The following PCDH9 variants were observed in gnomAD, a reference collection of about 807,000 sequenced individuals.
PCDH9 encodes protocadherin 9.
PCDH9 carries 24 observed loss-of-function variants against 70.6 expected under a neutral mutation model. The ratio of observed to expected loss-of-function variants is 0.34; its 90% CI spans 0.25 to 0.48. The LOEUF is 0.48. Among genes scored for constraint, PCDH9 ranks in the 20% least tolerant of loss-of-function variants. The pLI is 0.99. For missense variants in PCDH9, 1,281 were observed against 1,503.6 expected, an observed-to-expected ratio of 0.85 and a Z score of 2.45; for synonymous variants, 562 against 558.5, an observed-to-expected ratio of 1.01 and a Z score of -0.09.
chr13:66,993,095 G>T (rs986268236), intron 2 of PCDH9, among the ~76,000 whole-genome samples: 1 of 152,006 alleles, frequency 6.6e-6, no homozygotes, highest in African/African-American at 2.4e-5. Flanking sequence ...AAAGTGACTC[G>T]TCTCATGAAA....
intron 3 of PCDH9, among the ~76,000 whole-genome samples, chr13:66,895,875 CTCTT>C (rs1206439638): frequency 6.6e-6 from 1 of 152,200 alleles, no homozygotes; most frequent in Non-Finnish European, 1.5e-5. Context: ...CATCCCCCCT[CTCTT>C]TGTGCATCAT....
chr13:66,422,283 T>G (rs1190779182), intron 4 of PCDH9, among the ~76,000 whole-genome samples: 3 of 152,146 alleles, frequency 2.0e-5, no homozygotes, highest in African/African-American at 7.2e-5. Context: ...ATTCGGGACT[T>G]CAATTCAGCT....
chr13:66,644,851 A>G (rs1427975276), intron 3 of PCDH9, among the ~76,000 whole-genome samples: 1 of 152,100 alleles, frequency 6.6e-6, no homozygotes. Flanking sequence ...ACAAATGTTT[A>G]TTCTCCAAGA....
intron 3 of PCDH9, among the ~76,000 whole-genome samples, chr13:66,886,401 A>G (rs1301061802): frequency 6.6e-6 from 1 of 152,116 alleles, no homozygotes; most frequent in African/African-American, 2.4e-5. Context: ...TCTAGGCTAC[A>G]TAGGTGTTCC....
intron 3 of PCDH9, among the ~76,000 whole-genome samples, chr13:66,720,950 T>A (rs1047015069): frequency 1.2e-4 from 19 of 152,298 alleles, no homozygotes; most frequent in Non-Finnish European, 2.6e-4. Context: ...AGCAGTAAGT[T>A]AGTCCATTAC....
chr13:66,328,954 GT>G (rs1449903171), intron 4 of PCDH9, among the ~76,000 whole-genome samples: 8 of 152,132 alleles, frequency 5.3e-5, no homozygotes, highest in Non-Finnish European at 1.2e-4. Context: ...TAATGTGTCA[GT>G]TTTTAATCAT....
intron 4 of PCDH9, among the ~76,000 whole-genome samples, chr13:66,584,479 A>G (rs1322411722): frequency 6.6e-6 from 1 of 152,164 alleles, no homozygotes; most frequent in Non-Finnish European, 1.5e-5. Context: ...AATATTGAAC[A>G]AAGTCGATAA....
intron 3 of PCDH9, among the ~76,000 whole-genome samples, chr13:66,867,825 C>A (rs1230869783): frequency 1.3e-5 from 2 of 151,478 alleles, no homozygotes; most frequent in Non-Finnish European, 3.0e-5. Flanking sequence ...GAAAAAAATC[C>A]TTTTTTTTAT....
At chr13:66,801,211 A>G (rs534876419) in intron 3 of PCDH9, among the ~76,000 whole-genome samples, 1 of 152,094 alleles carries the variant, frequency 6.6e-6, no homozygotes, top group Non-Finnish European at 1.5e-5. Flanking sequence ...TTTTCTAGTG[A>G]AGGTTAAGCA....
At position 67,228,529 on chromosome 13, in the gene PCDH9, T is replaced by C; in HGVS notation, c.-89A>G. On this transcript the variant is annotated 5_prime_UTR_variant, in exon 2 of 5. An upstream start codon of the reference 5' UTR is lost. Transcript: ENST00000377865. ...CACAAATTGCAAGAGGAAGCGTGCA[T>C]GGACTGGAGGATGCATTATATCTCA... 9.3e-7 allele frequency: 1 copy of C among 1,077,766 alleles called. No individual in the cohort carries two copies. The highest frequency in any genetic ancestry group is 2.5e-5 in the East Asian group (1 of 39,354). 66.8% of individuals were successfully genotyped at this position (1,077,766 alleles called of 1,614,324 possible). A position where few individuals can be genotyped will look rare whatever the true frequency, so the allele number is the denominator to read the frequency against.
intron 4 of PCDH9, among the ~76,000 whole-genome samples, chr13:66,307,616 C>T (rs1424551053): frequency 2.0e-5 from 3 of 152,014 alleles, no homozygotes; most frequent in African/African-American, 7.2e-5. Context: ...AACTTTTAAT[C>T]TTTACATTTC....
intron 4 of PCDH9, among the ~76,000 whole-genome samples, chr13:66,409,393 G>T (rs1439906348): frequency 6.6e-6 from 1 of 151,984 alleles, no homozygotes; most frequent in Non-Finnish European, 1.5e-5. Context: ...ACTAATTGTT[G>T]TCCTCCCCCT....
intron 3 of PCDH9, among the ~76,000 whole-genome samples, chr13:66,717,368 C>T (rs1461423176): frequency 7.3e-6 from 1 of 137,646 alleles, no homozygotes; most frequent in Non-Finnish European, 1.5e-5. Context: ...AGGAGAATTG[C>T]TTGAACCCAG....
At chr13:67,050,429 C>T (rs959224412) in intron 2 of PCDH9, among the ~76,000 whole-genome samples, 1 of 152,172 alleles carries the variant, frequency 6.6e-6, no homozygotes, top group Non-Finnish European at 1.5e-5. Context: ...GAATGACTCT[C>T]ATTTAATGTG....
intron 4 of PCDH9, among the ~76,000 whole-genome samples, chr13:66,315,513 G>T (rs190637497): frequency 1.1e-4 from 16 of 151,568 alleles, no homozygotes; most frequent in African/African-American, 3.9e-4. Context: ...ATGGAGTTTC[G>T]CTCTGCCACT....
intron 4 of PCDH9, among the ~76,000 whole-genome samples, chr13:66,343,283 G>A (rs962051572): frequency 1.1e-4 from 16 of 152,162 alleles, no homozygotes; most frequent in Non-Finnish European, 2.1e-4. Context: ...TAGGTCACAA[G>A]TCTGGTACAG....
chr13:66,338,121 C>A (rs1956066757), intron 4 of PCDH9, among the ~76,000 whole-genome samples: 1 of 152,074 alleles, frequency 6.6e-6, no homozygotes, highest in African/African-American at 2.4e-5. Context: ...TAATGTCTAC[C>A]TCTCAAAATT....
At chr13:66,315,789 C>T (rs977251704) in intron 4 of PCDH9, among the ~76,000 whole-genome samples, 6 of 152,184 alleles carry the variant, frequency 3.9e-5, no homozygotes, top group African/African-American at 1.4e-4. Context: ...TGGCCACTCT[C>T]ATTTCTTAAC....
At chr13:66,622,058 G>C (rs1038496259) in intron 4 of PCDH9, among the ~76,000 whole-genome samples, 3 of 152,238 alleles carry the variant, frequency 2.0e-5, no homozygotes, top group Non-Finnish European at 2.9e-5. Context: ...GGCCGGCCCT[G>C]TTGGCCCAGG....
Sources: allele counts gnomAD v4.1 joint callset (sites outside exome capture counted in the v4.1 genomes callset), GRCh38; gene constraint gnomAD v4.1.1; transcripts MANE v1.5; gene names NCBI Gene and HGNC (gene_info 2026-07-23, HGNC 2026-07-21).